The following WDR4 variants were observed in gnomAD, a reference collection of about 807,000 sequenced individuals.
WDR4 encodes the protein WDR4 tRNA N7-guanosine methyltransferase non-catalytic subunit.
In WDR4, 47 loss-of-function variants were observed where a neutral mutation model predicts 48.6. That is an observed-to-expected ratio of 0.97 (90% CI 0.77 to 1.23). WDR4 has a LOEUF of 1.23. Among genes scored for constraint, WDR4 ranks in the 50% most tolerant of loss-of-function variants. WDR4 has a pLI of 0.00. For synonymous variants in WDR4, 268 were observed against 230.0 expected (o/e 1.17, Z -1.49); for missense variants, 606 against 551.6 (o/e 1.10, Z -0.99).
At chr21:42,872,065 A>G (rs748875510) in intron 3 of WDR4, among the ~76,000 whole-genome samples, 28 of 151,510 alleles carry the variant, frequency 1.8e-4, no homozygotes, top group Non-Finnish European at 3.8e-4. Flanking sequence ...GCTCACTGCA[A>G]CCTCCGCCTC....
chr21:42,852,423 G>A (rs1003983502), intron 9 of WDR4, 99 bp from the exon 10 acceptor site: 1 of 1,378,562 alleles, frequency 7.3e-7, no homozygotes, highest in South Asian at 1.3e-5. Context: ...TTGCAGGGGA[G>A]GTCCCCTCCT....
At chr21:42,857,771 TAG>T (rs1306656045) in intron 6 of WDR4, among the ~76,000 whole-genome samples, 5 of 149,246 alleles carry the variant, frequency 3.4e-5, no homozygotes, top group Admixed American at 6.7e-5. Flanking sequence ...CCTAAAGGAG[TAG>T]AAATACGAGA....
At chr21:42,846,102 G>A (rs776412726), downstream of WDR4, among the ~76,000 whole-genome samples, 8 of 152,098 alleles carry the variant, frequency 5.3e-5, no homozygotes, top group Non-Finnish European at 1.0e-4. Flanking sequence ...TCCAGCCTGG[G>A]TAACAGAGCA....
intron 1 of WDR4, among the ~76,000 whole-genome samples, chr21:42,877,567 T>C (rs2058524377): frequency 6.6e-6 from 1 of 151,954 alleles, no homozygotes; most frequent in Middle Eastern, 3.2e-3. Context: ...ACAAGAAAAC[T>C]GTCTAGATAC....
intron 3 of WDR4, among the ~76,000 whole-genome samples, chr21:42,864,107 C>CAAAAAA (rs776906461): frequency 6.3e-4 from 32 of 50,500 alleles, no homozygotes; most frequent in Admixed American, 9.8e-4. Context: ...GACTCCGTCT[C>CAAAAAA]AAAAAAAAAA....
chr21:42,857,683 A>C (rs1310657159), intron 6 of WDR4, among the ~76,000 whole-genome samples: 1 of 152,216 alleles, frequency 6.6e-6, no homozygotes, highest in Non-Finnish European at 1.5e-5. Flanking sequence ...AAGATTCAAA[A>C]TAATCCTAAT....
intron 3 of WDR4, 53 bp from the exon 4 acceptor site, chr21:42,863,649 T>G: frequency 2.6e-6 from 4 of 1,560,496 alleles, no homozygotes; most frequent in Non-Finnish European, 3.5e-6. Context: ...CGCAGGGTCC[T>G]CGACAGCCTG....
rs1201240114 is a variant in WDR4 at position 42,853,765 on chromosome 21, A to G, written c.792-13T>C. ...GACCACAGGAGTGCTTGCCACGAAG[A>G]AAGAGAGCATGATTACTAGGACTGC... On this transcript the variant is annotated splice_polypyrimidine_tract_variant and intron_variant, in intron 8 of 10. Transcript: ENST00000398208. 4 of 1,547,160 alleles carry G rather than the reference A, an allele frequency of 2.6e-6. No homozygotes were observed. The highest frequency in any genetic ancestry group is 3.9e-5 in the Admixed American group (2 of 51,062).
At chr21:42,861,087 G>A (rs8133845) in intron 5 of WDR4, among the ~76,000 whole-genome samples, 14,213 of 151,984 alleles carry the variant, frequency 0.094, 2,188 homozygotes, top group African/African-American at 0.33. Context: ...CGAGGCGGGC[G>A]AATCATGAGG....
At chr21:42,856,780 T>TGAACATACACACGCAC (rs1339565202) in intron 6 of WDR4, among the ~76,000 whole-genome samples, 1 of 151,972 alleles carries the variant, frequency 6.6e-6, no homozygotes, top group Non-Finnish European at 1.5e-5. Context: ...CACACACGCA[T>TGAACATACACACGCAC]GCACATACAC....
chr21:42,887,747 G>A, the WDR4 span, among the ~76,000 whole-genome samples: 1 of 152,120 alleles, frequency 6.6e-6, no homozygotes, highest in Non-Finnish European at 1.5e-5. Context: ...GTGAAACCCT[G>A]TCTCTACTAA....
At chr21:42,845,244 C>A (rs2057700969), downstream of WDR4, among the ~76,000 whole-genome samples, 2 of 152,220 alleles carry the variant, frequency 1.3e-5, no homozygotes, top group African/African-American at 4.8e-5. Flanking sequence ...GAAACAACAA[C>A]AAAATCTGGA....
At chr21:42,879,563 T>G (rs1314566245), upstream of WDR4, 7 of 1,574,316 alleles carry the variant, frequency 4.4e-6, no homozygotes, top group Non-Finnish European at 6.1e-6. Context: ...CACCGGTCGG[T>G]GACGCCAGGC....
intron 9 of WDR4, 71 bp from the exon 10 acceptor site, chr21:42,852,395 C>A (rs1474662707): frequency 1.3e-5 from 20 of 1,540,852 alleles, no homozygotes; most frequent in Non-Finnish European, 1.7e-5. Context: ...GGACGCAACA[C>A]ATGCTGGCCA....
At chr21:42,875,951 T>G (rs905537397) in intron 2 of WDR4, among the ~76,000 whole-genome samples, 1 of 134,544 alleles carries the variant, frequency 7.4e-6, no homozygotes, top group African/African-American at 3.0e-5. Context: ...GGAGTCTTGC[T>G]GTGTCACCCA....
the WDR4 span, among the ~76,000 whole-genome samples, chr21:42,889,775 T>C: frequency 6.6e-6 from 1 of 152,008 alleles, no homozygotes; most frequent in African/African-American, 2.4e-5. Context: ...CGAGAAGGAG[T>C]TTCGTTCTGC....
chr21:42,886,792 A>C, the WDR4 span: 1 of 152,254 alleles, frequency 6.6e-6, no homozygotes, highest in African/African-American at 2.4e-5. Context: ...TTAACTTTTT[A>C]TAAACCAGCA....
At chr21:42,855,856 C>T (rs868168952) in intron 6 of WDR4, 76 bp from the exon 7 acceptor site, 23 of 1,270,298 alleles carry the variant, frequency 1.8e-5, no homozygotes, top group South Asian at 4.8e-5. Context: ...AGGACAGCTG[C>T]GTGTGGTCGG....
the WDR4 span, chr21:42,886,950 C>T: frequency 6.6e-6 from 1 of 152,234 alleles, no homozygotes; most frequent in East Asian, 1.9e-4. Flanking sequence ...GAGGGCCCAG[C>T]TTCCAACAGG....
Sources: gnomAD v4.1 joint callset for allele counts (sites outside exome capture counted in the v4.1 genomes callset) on GRCh38, gnomAD v4.1.1 for gene constraint, MANE v1.5 for transcripts, NCBI Gene and HGNC (gene_info 2026-07-23, HGNC 2026-07-21) for gene names.